Variants in CLDN16 observed in about 807,000 individuals in gnomAD.
CLDN16 encodes the protein claudin 16, also known as claudin-16.
A neutral mutation model predicts 24.6 loss-of-function variants in CLDN16; 13 were observed. The ratio of observed to expected loss-of-function variants is 0.53; its 90% CI spans 0.34 to 0.84. CLDN16 has a LOEUF of 0.84. Ranked by LOEUF, CLDN16 falls within the 40% of genes least tolerant of loss-of-function variation. CLDN16 has a pLI of 0.01. For missense variants in CLDN16, 298 were observed against 292.7 expected (o/e 1.02, Z -0.13); for synonymous variants, 116 against 106.7 (o/e 1.09, Z -0.54).
intron 2 of CLDN16, among the ~76,000 whole-genome samples, chr3:190,373,851 A>G (rs1030657894): frequency 1.4e-4 from 22 of 151,846 alleles, no homozygotes; most frequent in Non-Finnish European, 2.7e-4. Context: ...ATTAAAAAAA[A>G]AAAAAGAAAA....
intron 1 of CLDN16, among the ~76,000 whole-genome samples, chr3:190,338,705 T>A (rs1441735920): frequency 2.0e-5 from 3 of 152,236 alleles, no homozygotes; most frequent in African/African-American, 7.2e-5. Context: ...CAAAGAAGGC[T>A]GTAATTCATC....
At chr3:190,395,875 C>G (rs1006167334) in intron 1 of CLDN16, among the ~76,000 whole-genome samples, 11 of 152,208 alleles carry the variant, frequency 7.2e-5, no homozygotes, top group African/African-American at 2.6e-4. Flanking sequence ...CTCTCTCTCT[C>G]TCTCTGTAGA....
At position 190,399,232 on chromosome 3, in the gene CLDN16, G is replaced by A. The variant is rs547661198; in HGVS notation, c.115-3105G>A. ...AAAAAAATGTTTTTAGGCTGGGCAC[G>A]GTGCCTCACGCCTGTAATCCCAGCA... On this transcript the variant is annotated intron_variant, in intron 1 of 4. Transcript: ENST00000264734. Among the ~76,000 whole-genome samples the A allele has an allele frequency of 7.2e-5, 11 of 152,230 alleles. No individual in the cohort carries two copies. In the South Asian group the frequency reaches 2.1e-3, roughly 29 times the overall value.
chr3:190,350,056 G>A (rs905472090), intron 1 of CLDN16, among the ~76,000 whole-genome samples: 8 of 152,160 alleles, frequency 5.3e-5, no homozygotes, highest in African/African-American at 1.7e-4. Context: ...ATGGGAAAAT[G>A]AGGAATAGAT....
Position 190,402,382 on chromosome 3 carries a change from G to A in CLDN16, c.160G>A (p.Ala54Thr), listed in dbSNP as rs758739389. 6.2e-6 allele frequency: 10 copies of A among 1,613,900 alleles called. No homozygotes were observed. The highest frequency in any genetic ancestry group is 4.0e-5 in the African/African-American group (3 of 74,896). ...CCTCTGGTGGGAATGCGTCACAAATGCTTTTGATGGGATTCGCACCTGTGA... is the reference window on the plus strand; with the variant it reads ...CCTCTGGTGGGAATGCGTCACAAATACTTTTGATGGGATTCGCACCTGTGA... ...RGLWWECVTN[A>T]FDGIRTCDEY... Residue 54 changes from alanine (A) to threonine (T), a missense_variant, in exon 2 of 5, where the codon GCT becomes ACT. Physicochemically the swap from Ala to Thr is moderately conservative, Grantham distance 58. Coordinates refer to ENST00000264734, the MANE Select transcript of CLDN16 (RefSeq NM_006580.4).
intron 1 of CLDN16, among the ~76,000 whole-genome samples, chr3:190,362,274 G>T (rs1189191677): frequency 1.3e-5 from 2 of 151,942 alleles, no homozygotes; most frequent in African/African-American, 4.8e-5. Context: ...CCTAAGATCA[G>T]TGCTTGAGAT....
At chr3:190,331,468 C>T (rs1180716883) in intron 1 of CLDN16, among the ~76,000 whole-genome samples, 1 of 152,162 alleles carries the variant, frequency 6.6e-6, no homozygotes, top group Non-Finnish European at 1.5e-5. Flanking sequence ...ACTGCATTGT[C>T]CAACTTGATA....
At chr3:190,291,284 C>T in the CLDN16 span, among the ~76,000 whole-genome samples, 1 of 152,146 alleles carries the variant, frequency 6.6e-6, no homozygotes. Context: ...CTATAAAGAA[C>T]TCCCCAAGAC....
upstream of CLDN16, chr3:190,387,936 A>G: frequency 3.2e-6 from 2 of 628,640 alleles, no homozygotes; most frequent in Non-Finnish European, 5.7e-6. Flanking sequence ...ATCAGTTTAC[A>G]GGTTCCAGCA....
intron 1 of CLDN16, among the ~76,000 whole-genome samples, chr3:190,345,334 C>A (rs1263531842): frequency 6.6e-6 from 1 of 152,128 alleles, no homozygotes; most frequent in Admixed American, 6.5e-5. Flanking sequence ...CTTCATATCA[C>A]ACACCCACTG....
chr3:190,365,209 G>C (rs1355355127), intron 1 of CLDN16, among the ~76,000 whole-genome samples: 1 of 151,770 alleles, frequency 6.6e-6, no homozygotes, highest in African/African-American at 2.4e-5. Context: ...TCAGGTGATT[G>C]ATCAGCACCA....
chr3:190,318,393 C>T (rs115352609), upstream of CLDN16, among the ~76,000 whole-genome samples: 801 of 152,262 alleles, frequency 5.3e-3, 7 homozygotes, highest in African/African-American at 0.019. Flanking sequence ...GAAGTAATAA[C>T]AAAGAATTCT....
At chr3:190,301,501 A>C in the CLDN16 span, among the ~76,000 whole-genome samples, 2 of 128,138 alleles carry the variant, frequency 1.6e-5, no homozygotes, top group Non-Finnish European at 3.5e-5. Context: ...CTCAAAAAAA[A>C]AGAAGAAGAA....
chr3:190,345,663 G>T (rs909837684), intron 1 of CLDN16, among the ~76,000 whole-genome samples: 9 of 152,160 alleles, frequency 5.9e-5, no homozygotes, highest in Non-Finnish European at 1.3e-4. Flanking sequence ...TTTTGCCACT[G>T]ATAGGTGTTC....
At chr3:190,401,064 G>A (rs1289229682) in intron 1 of CLDN16, among the ~76,000 whole-genome samples, 1 of 152,086 alleles carries the variant, frequency 6.6e-6, no homozygotes, top group African/African-American at 2.4e-5. Context: ...ACTGCTTTAT[G>A]GTATAGACTC....
the CLDN16 span, among the ~76,000 whole-genome samples, chr3:190,297,584 T>C: frequency 7.3e-6 from 1 of 137,756 alleles, no homozygotes; most frequent in East Asian, 2.0e-4. Context: ...TAATATATAA[T>C]ATATATCTAT....
intron 1 of CLDN16, among the ~76,000 whole-genome samples, chr3:190,324,742 A>T (rs2108618993): frequency 6.6e-6 from 1 of 152,272 alleles, no homozygotes; most frequent in South Asian, 2.1e-4. Context: ...CTTCACTGTG[A>T]TTCAGGCCCA....
chr3:190,341,565 T>C (rs1162869164), intron 1 of CLDN16, among the ~76,000 whole-genome samples: 1 of 152,152 alleles, frequency 6.6e-6, no homozygotes, highest in East Asian at 1.9e-4. Context: ...CTCCTAGGCC[T>C]CCAGGTCTGT....
At chr3:190,372,229 A>G (rs925250053) in intron 2 of CLDN16, among the ~76,000 whole-genome samples, 1 of 151,942 alleles carries the variant, frequency 6.6e-6, no homozygotes, top group Admixed American at 6.6e-5. Context: ...GGGAGACACC[A>G]CTGTCAGCCT....
Sources: allele counts gnomAD v4.1 joint callset (sites outside exome capture counted in the v4.1 genomes callset), GRCh38; gene constraint gnomAD v4.1.1; transcripts MANE v1.5; gene names NCBI Gene and HGNC (gene_info 2026-07-23, HGNC 2026-07-21).